TMCO4: variants seen among roughly 807,000 people sequenced by gnomAD.
The protein encoded by TMCO4 is transmembrane and coiled-coil domains 4.
Under a neutral mutation model 64.7 loss-of-function variants are expected in TMCO4, and 58 were observed. That is an observed-to-expected ratio of 0.90 (90% CI 0.73 to 1.12). The LOEUF (loss-of-function observed/expected upper bound fraction) is 1.12. TMCO4 is among the 50% of genes most tolerant of loss of function. The probability of loss-of-function intolerance (pLI) is 0.00; values close to 1 mark genes in which losing one functional copy is unlikely to be tolerated. For synonymous variants in TMCO4, 325 were observed against 346.1 expected, an observed-to-expected ratio of 0.94 and a Z score of 0.68; for missense variants, 780 against 825.9, an observed-to-expected ratio of 0.94 and a Z score of 0.68.
At chr1:19,780,443 A>C (rs1209322150) in intron 4 of TMCO4, 137 bp downstream of exon 4, 1 of 1,061,216 alleles carries the variant, frequency 9.4e-7, no homozygotes, top group African/African-American at 1.6e-5. Flanking sequence ...TGGAGGTTAG[A>C]GACCCCTGCG....
chr1:19,781,144 CAA>C (rs535767635), intron 3 of TMCO4, among the ~76,000 whole-genome samples: 47 of 52,580 alleles, frequency 8.9e-4, no homozygotes, highest in South Asian at 4.8e-3. Flanking sequence ...GACTCCATCT[CAA>C]AAAAAAAAAA....
intron 2 of TMCO4, among the ~76,000 whole-genome samples, chr1:19,793,189 TTC>T (rs550973511): frequency 1.3e-5 from 2 of 151,828 alleles, no homozygotes; most frequent in Admixed American, 6.6e-5. Flanking sequence ...CCACCAGGCT[TTC>T]TCTCTCTCTC....
chr1:19,728,614 G>C (rs1440039646), intron 13 of TMCO4, among the ~76,000 whole-genome samples: 1 of 152,228 alleles, frequency 6.6e-6, no homozygotes, highest in Non-Finnish European at 1.5e-5. Context: ...TGCCTGGCTG[G>C]ATCCAGGGCT....
chr1:19,699,407 G>C (rs2095256862), intron 14 of TMCO4, among the ~76,000 whole-genome samples: 1 of 151,034 alleles, frequency 6.6e-6, no homozygotes, highest in Non-Finnish European at 1.5e-5. Context: ...CCATTCAAAA[G>C]GTAAATGGCA....
At chr1:19,760,051 G>A (rs1025093548) in intron 6 of TMCO4, among the ~76,000 whole-genome samples, 1 of 152,028 alleles carries the variant, frequency 6.6e-6, no homozygotes, top group African/African-American at 2.4e-5. Flanking sequence ...TACCCTCCAA[G>A]TCCTGCTCCC....
chr1:19,683,390 C>T lies in TMCO4; in HGVS notation c.1555G>A (p.Gly519Ser), dbSNP rs751405780. The T allele has an allele frequency of 1.2e-6, 2 of 1,613,718 alleles. No individual in the cohort carries two copies. Among genetic ancestry groups the T allele is most frequent in the Non-Finnish European group, 1.7e-6 (2 of 1,180,026 alleles). The change falls in exon 16 of 16, where the codon GGC becomes AGC. Residue 519 changes from glycine to serine, a missense_variant. Coordinates refer to ENST00000294543, the MANE Select transcript of TMCO4 (RefSeq NM_181719.7). The part of the protein sequence containing the change: ...KQMDAILKAV[G>S]IRTKPGWDEK... ...TCCCAGCCTGGCTTGGTGCGGATGCCCACGGCCTTCAGGATGGCATCCATC... is the reference window on the plus strand; with the variant it reads ...TCCCAGCCTGGCTTGGTGCGGATGCTCACGGCCTTCAGGATGGCATCCATC...
chr1:19,742,391 T>C (rs1024661831), intron 10 of TMCO4, among the ~76,000 whole-genome samples: 1 of 152,198 alleles, frequency 6.6e-6, no homozygotes, highest in Non-Finnish European at 1.5e-5. Flanking sequence ...TGGAGACAGC[T>C]TCCCGGGGCA....
intron 4 of TMCO4, among the ~76,000 whole-genome samples, chr1:19,779,629 A>G (rs555602278): frequency 6.6e-6 from 1 of 152,238 alleles, no homozygotes; most frequent in South Asian, 2.1e-4. Flanking sequence ...ACTCATCTGT[A>G]TCTGTCCCCT....
chr1:19,795,799 CCAACA>C (rs1208033064), intron 2 of TMCO4, among the ~76,000 whole-genome samples: 1 of 152,210 alleles, frequency 6.6e-6, no homozygotes, highest in African/African-American at 2.4e-5. Context: ...CCAAAGATTT[CCAACA>C]CAATTTGAAA....
intron 13 of TMCO4, among the ~76,000 whole-genome samples, chr1:19,705,095 G>A (rs1453699695): frequency 6.6e-6 from 1 of 152,188 alleles, no homozygotes; most frequent in Non-Finnish European, 1.5e-5. Flanking sequence ...TAGACCAGGG[G>A]TGTCCAATCT....
At chr1:19,768,093 C>CAAAA (rs35417457) in intron 6 of TMCO4, among the ~76,000 whole-genome samples, 1 of 89,598 alleles carries the variant, frequency 1.1e-5, no homozygotes, top group Non-Finnish European at 2.4e-5. Flanking sequence ...AACTTCATCT[C>CAAAA]AAAAAAAAAA....
At position 19,683,144 on chromosome 1, in the gene TMCO4, T is replaced by TGGC; in HGVS notation, c.1798_1800dup (p.Ala600dup). 6.2e-7 allele frequency: 1 copy of TGGC among 1,614,096 alleles called. No individual in the cohort carries two copies. On this transcript the variant is annotated inframe_insertion, in exon 16 of 16. Coordinates refer to ENST00000294543, the MANE Select transcript of TMCO4 (RefSeq NM_181719.7). ...CTGCAGATGGGGGGCCTTTCAGGGC[T>TGGC]GGCAGCAGCAGGAAGGGAGGCCCCT...
At chr1:19,700,734 G>A (rs369488204) in intron 14 of TMCO4, 34 bp downstream of exon 14, 1 of 1,567,574 alleles carries the variant, frequency 6.4e-7, no homozygotes, top group African/African-American at 1.4e-5. Context: ...CGTAAGCATT[G>A]TCACTTCCCC....
intron 10 of TMCO4, 64 bp from the exon 11 acceptor site, chr1:19,741,005 C>A (rs1222904167): frequency 6.0e-6 from 9 of 1,491,940 alleles, no homozygotes; most frequent in Non-Finnish European, 8.1e-6. Flanking sequence ...CACCCCAGTA[C>A]CCCAGACAAG....
intron 13 of TMCO4, among the ~76,000 whole-genome samples, chr1:19,705,863 G>A (rs2095300610): frequency 6.6e-6 from 1 of 151,924 alleles, no homozygotes. Context: ...CAGCCTTCCA[G>A]GTAAACTACG....
chr1:19,704,640 G>A (rs2095292856), intron 13 of TMCO4, among the ~76,000 whole-genome samples: 1 of 152,240 alleles, frequency 6.6e-6, no homozygotes, highest in Non-Finnish European at 1.5e-5. Flanking sequence ...CGCCTTCTCT[G>A]CCTGGCAGAG....
Position 19,701,857 on chromosome 1 carries a change from C to T in TMCO4, c.1265-972G>A, listed in dbSNP as rs559524915. Among the ~76,000 whole-genome samples, 607 of 152,116 alleles carry T rather than the reference C, an allele frequency of 4.0e-3. 9 individuals carry two copies. Among genetic ancestry groups the T allele is most frequent in the African/African-American group, 0.014 (592 of 41,508 alleles). On this transcript the variant is annotated intron_variant, in intron 13 of 15. Transcript: ENST00000294543. ...TTCAAAGTGCAGTCTGGGCTGGGGG[C>T]GGTGGTTCACCTAGTGTTGGTAATC...
intron 13 of TMCO4, among the ~76,000 whole-genome samples, chr1:19,716,820 G>A (rs899493262): frequency 2.0e-5 from 3 of 152,164 alleles, no homozygotes; most frequent in Non-Finnish European, 2.9e-5. Flanking sequence ...AGTTCAACAG[G>A]TATCCATGGA....
chr1:19,765,362 T>G (rs1342233821), intron 6 of TMCO4, among the ~76,000 whole-genome samples: 2 of 152,116 alleles, frequency 1.3e-5, no homozygotes, highest in Non-Finnish European at 2.9e-5. Context: ...CTAGAAGAAC[T>G]TAGGAAGATT....
Sources: allele counts gnomAD v4.1 joint callset (sites outside exome capture counted in the v4.1 genomes callset), GRCh38; gene constraint gnomAD v4.1.1; transcripts MANE v1.5; gene names NCBI Gene and HGNC (gene_info 2026-07-23, HGNC 2026-07-21).